The following CPAMD8 variants were observed in gnomAD, a reference collection of about 807,000 sequenced individuals.
CPAMD8 encodes the protein C3 and PZP-like alpha-2-macroglobulin domain-containing protein 8.
In CPAMD8, 146 loss-of-function variants were observed where a neutral mutation model predicts 224.7. That is an observed-to-expected ratio of 0.65 (90% CI 0.57 to 0.75). The LOEUF is 0.75. Ranked by LOEUF, CPAMD8 falls within the 30% of genes least tolerant of loss-of-function variation. The pLI is 0.00. For missense variants in CPAMD8, 2,301 were observed against 2,537.5 expected (o/e 0.91, Z 2.00); for synonymous variants, 966 against 1,044.6 (o/e 0.92, Z 1.45).
rs372897642 is a variant in CPAMD8 at position 16,928,021 on chromosome 19, C to T, written c.3358G>A (p.Ala1120Thr). Residue 1120 changes from alanine (A) to threonine (T), a missense_variant, in exon 25 of 42, where the codon GCC becomes ACC. Ala to Thr is a moderately conservative substitution (Grantham distance 58). This residue lies in a region of CPAMD8 where 1,709 missense variants were observed against 1,753.2 expected (regional missense o/e 0.97). Transcript: ENST00000443236. ...GGGACAGACGCACCGATGATGGAGG[C>T]GGTGGCTCGCTCAGACCCAGGGATG... ...GAIPGSERAT[A>T]SIIGDVMGPT... 1.5e-4 allele frequency: 242 copies of T among 1,611,618 alleles called. No homozygotes were observed. The highest frequency in any genetic ancestry group is 1.3e-3 in the Middle Eastern group (8 of 6,048).
intron 22 of CPAMD8, among the ~76,000 whole-genome samples, chr19:16,941,211 G>T (rs1351061502): frequency 2.0e-5 from 3 of 152,202 alleles, no homozygotes; most frequent in Admixed American, 2.0e-4. Context: ...GGGATTACAG[G>T]CATGAGCCAC....
chr19:16,945,476 C>T (rs1448349854), intron 22 of CPAMD8, 73 bp downstream of exon 22: 1 of 1,569,318 alleles, frequency 6.4e-7, no homozygotes, highest in African/African-American at 1.3e-5. Flanking sequence ...ACCACACACT[C>T]CAGCTGGGCC....
chr19:16,987,956 G>C (rs535066133), intron 13 of CPAMD8, among the ~76,000 whole-genome samples: 1 of 152,216 alleles, frequency 6.6e-6, no homozygotes, highest in South Asian at 2.1e-4. Context: ...GAGCCACCAC[G>C]CCCGGTCGGG....
At chr19:16,921,222 G>A (rs2053161716) in intron 27 of CPAMD8, among the ~76,000 whole-genome samples, 1 of 152,142 alleles carries the variant, frequency 6.6e-6, no homozygotes, top group Non-Finnish European at 1.5e-5. Flanking sequence ...CTGTGACTGT[G>A]CAGTGGACAC....
At chr19:16,975,631 C>A in intron 16 of CPAMD8, among the ~76,000 whole-genome samples, 1 of 151,952 alleles carries the variant, frequency 6.6e-6, no homozygotes. Flanking sequence ...TCGTTTAAGC[C>A]CAGGAGGTGT....
chr19:17,015,280 T>A (rs374263354), intron 3 of CPAMD8, among the ~76,000 whole-genome samples: 43 of 152,194 alleles, frequency 2.8e-4, no homozygotes, highest in African/African-American at 1.0e-3. Flanking sequence ...AATAAAACTA[T>A]CCAACTGTGG....
chr19:16,914,854 G>A (rs1568469982), intron 27 of CPAMD8, 41 bp from the exon 28 acceptor site: 32 of 1,474,842 alleles, frequency 2.2e-5, no homozygotes, highest in Non-Finnish European at 2.7e-5. Context: ...TTGCAGAATG[G>A]TCAGCCCCCA....
intron 41 of CPAMD8, chr19:16,895,524 T>G: frequency 4.7e-6 from 1 of 213,798 alleles, no homozygotes; most frequent in South Asian, 6.7e-5. Flanking sequence ...TTGCAGGTGT[T>G]GAGGGGAGAG....
rs8100610 is a variant in CPAMD8 at position 16,945,484 on chromosome 19, G to T, written c.2793+65C>A. The T allele has an allele frequency of 1.5e-5, 24 of 1,578,394 alleles. No individual in the cohort carries two copies. In the South Asian group the frequency reaches 2.7e-4, roughly 18 times the overall value. On this transcript the variant is annotated intron_variant, in intron 22 of 41. Transcript: ENST00000443236. The stretch of plus-strand genomic sequence containing the variant: ...GCCTCAGACCACACACTCCAGCTGG[G>T]CCCAGCTTCATGGCTGAAGGAATGA...
Position 16,929,052 on chromosome 19 carries a change from T to A in CPAMD8, c.3034A>T (p.Ile1012Phe). Residue 1012 changes from isoleucine (I) to phenylalanine (F), a missense_variant, in exon 24 of 42, where the codon ATC (isoleucine) becomes TTC (phenylalanine). Around this residue, in one of 4 missense-constraint regions of CPAMD8, gnomAD observed 1,709 missense variants for 1,753.2 expected, o/e 0.97. Transcript: ENST00000443236. ...LGGHQNTRSWISTSKMGEPVA... is the reference protein window; with the variant it reads ...LGGHQNTRSWFSTSKMGEPVA... ...GGCTCTCCCATCTTGCTGGTGGAGA[T>A]CCATGACCTGGTGTTCTGATGCCCC... The A allele has an allele frequency of 6.2e-7, 1 of 1,613,826 alleles. No individual in the cohort carries two copies. The highest frequency in any genetic ancestry group is 8.5e-7 in the Non-Finnish European group (1 of 1,179,720).
chr19:16,925,951 G>C (rs552080753), intron 25 of CPAMD8, among the ~76,000 whole-genome samples: 226 of 151,936 alleles, frequency 1.5e-3, no homozygotes, highest in African/African-American at 4.9e-3. Context: ...AGTAGAGACA[G>C]GGTTTCATCA....
At chr19:16,931,535 C>G (rs1045553651) in intron 23 of CPAMD8, among the ~76,000 whole-genome samples, 2 of 152,176 alleles carry the variant, frequency 1.3e-5, no homozygotes, top group African/African-American at 2.4e-5. Context: ...GTGCCCATGC[C>G]AAGCCCACTG....
In CPAMD8 at chr19:17,020,340, G is replaced by A; in HGVS notation, c.258C>T (p.Ile86=). Residue 86 remains isoleucine, a synonymous_variant, in exon 3 of 42, where the codon ATC becomes ATT. Transcript: ENST00000443236. Reference sequence around the variant, plus strand: ...AAAATCAACGGCTTACCTTGAGTTTGATTGTCCCTTTATCTAAAAATGAAA... The same window carrying A: ...AAAATCAACGGCTTACCTTGAGTTTAATTGTCCCTTTATCTAAAAATGAAA... ...SQGAILDKGT[I]KLKVPTGLRG... is the part of the protein sequence containing the mutation. The A allele has an allele frequency of 6.3e-7, 1 of 1,586,970 alleles. No individual in the cohort carries two copies. Among genetic ancestry groups the A allele is most frequent in the Non-Finnish European group, 8.7e-7 (1 of 1,155,996 alleles).
intron 22 of CPAMD8, among the ~76,000 whole-genome samples, chr19:16,942,227 C>T (rs184510151): frequency 1.9e-4 from 29 of 152,044 alleles, no homozygotes; most frequent in Non-Finnish European, 3.8e-4. Flanking sequence ...TTTGGGAGAC[C>T]GAGGCGGGCG....
chr19:16,997,968 C>T (rs1403499559), intron 10 of CPAMD8, among the ~76,000 whole-genome samples: 1 of 152,230 alleles, frequency 6.6e-6, no homozygotes, highest in East Asian at 1.9e-4. Flanking sequence ...ATCTCAGGAT[C>T]CCACCCTGGG....
intron 8 of CPAMD8, chr19:17,002,567 G>A (rs1037159579): frequency 4.4e-6 from 2 of 454,848 alleles, no homozygotes; most frequent in Non-Finnish European, 3.9e-6. Flanking sequence ...TTTCCTCAAG[G>A]GGCCTCCCCT....
intron 22 of CPAMD8, among the ~76,000 whole-genome samples, chr19:16,939,186 T>TC (rs1386629938): frequency 2.4e-5 from 2 of 83,424 alleles, no homozygotes; most frequent in African/African-American, 9.0e-5. Context: ...TATTTATTTA[T>TC]TTATCTATCT....
chr19:16,950,126 C>T (rs1231997103), intron 20 of CPAMD8, among the ~76,000 whole-genome samples: 1 of 151,744 alleles, frequency 6.6e-6, no homozygotes, highest in African/African-American at 2.4e-5. Context: ...AGTGAAACCC[C>T]GTCTCTACTA....
chr19:16,906,342 CTTTCTTTCTT>C, intron 30 of CPAMD8, among the ~76,000 whole-genome samples: 1 of 24,154 alleles, frequency 4.1e-5, no homozygotes, highest in South Asian at 2.7e-3. Context: ...CTTTCCCTTT[CTTTCTTTCTT>C]TCTTTCTTTC....
Sources: gnomAD v4.1 joint callset for allele counts (sites outside exome capture counted in the v4.1 genomes callset) on GRCh38, gnomAD v4.1.1 for gene constraint, gnomAD v4.1.1 regional missense constraint, MANE v1.5 for transcripts, NCBI Gene and HGNC (gene_info 2026-07-23, HGNC 2026-07-21) for gene names.